The following CYP7B1 variants were observed in gnomAD, a reference collection of about 807,000 sequenced individuals.
CYP7B1 encodes the protein cytochrome P450 7B1.
CYP7B1 carries 29 observed loss-of-function variants against 42.7 expected under a neutral mutation model. The ratio of observed to expected loss-of-function variants is 0.68; its 90% CI spans 0.51 to 0.93. The LOEUF (loss-of-function observed/expected upper bound fraction) is 0.93, where lower values mean the gene tolerates loss of function less well. CYP7B1 is among the 40% of genes least tolerant of loss of function. The pLI is 0.00. For missense variants in CYP7B1, 655 were observed against 600.5 expected (o/e 1.09, Z -0.95); for synonymous variants, 235 against 218.2 (o/e 1.08, Z -0.68).
chr8:64,745,596 C>T (rs1042805451), intron 1 of CYP7B1, among the ~76,000 whole-genome samples: 1 of 152,128 alleles, frequency 6.6e-6, no homozygotes, highest in Non-Finnish European at 1.5e-5. Flanking sequence ...TTCATTCCCC[C>T]CAGTCCCCTT....
At chr8:64,749,188 C>T (rs1053460639) in intron 1 of CYP7B1, among the ~76,000 whole-genome samples, 12 of 151,922 alleles carry the variant, frequency 7.9e-5, no homozygotes, top group African/African-American at 2.7e-4. Flanking sequence ...TCAAGAAATT[C>T]TCCTGCCTCA....
At chr8:64,683,167 T>C (rs924904901) in intron 1 of CYP7B1, among the ~76,000 whole-genome samples, 1 of 152,230 alleles carries the variant, frequency 6.6e-6, no homozygotes, top group Admixed American at 6.5e-5. Context: ...TTTTTCACAA[T>C]AGCTAAGACT....
At chr8:64,731,583 G>C (rs369274287) in intron 1 of CYP7B1, among the ~76,000 whole-genome samples, 35 of 152,264 alleles carry the variant, frequency 2.3e-4, no homozygotes, top group African/African-American at 7.2e-4. Flanking sequence ...CATTTCTTAG[G>C]GAGAAATTCA....
At chr8:64,603,147 C>T (rs915207677) in intron 5 of CYP7B1, among the ~76,000 whole-genome samples, 1 of 152,132 alleles carries the variant, frequency 6.6e-6, no homozygotes, top group Non-Finnish European at 1.5e-5. Flanking sequence ...TGTTCTGCCA[C>T]AGATTTTGTA....
chr8:64,734,469 G>A (rs918456459), intron 1 of CYP7B1: 1 of 152,182 alleles, frequency 6.6e-6, no homozygotes, highest in South Asian at 2.1e-4. Context: ...GGCAAAAAGG[G>A]AAACCAGGCC....
intron 1 of CYP7B1, among the ~76,000 whole-genome samples, chr8:64,722,508 T>G (rs1008021304): frequency 2.6e-5 from 4 of 152,028 alleles, no homozygotes; most frequent in Non-Finnish European, 5.9e-5. Context: ...AGAAAAAATC[T>G]AACATAATTT....
intron 1 of CYP7B1, among the ~76,000 whole-genome samples, chr8:64,783,889 T>C (rs1002516348): frequency 2.6e-5 from 4 of 152,192 alleles, no homozygotes; most frequent in African/African-American, 9.6e-5. Context: ...CATTCATTAC[T>C]GGTAGGACTG....
At chr8:64,734,786 A>G (rs577879264) in intron 1 of CYP7B1, among the ~76,000 whole-genome samples, 31 of 152,308 alleles carry the variant, frequency 2.0e-4, no homozygotes, top group African/African-American at 6.3e-4. Flanking sequence ...TGCTAACATA[A>G]CTTTTAACTA....
intron 1 of CYP7B1, among the ~76,000 whole-genome samples, chr8:64,762,569 C>G (rs1318115009): frequency 6.6e-6 from 1 of 152,152 alleles, no homozygotes; most frequent in Non-Finnish European, 1.5e-5. Context: ...CATTTGAAAA[C>G]GTGGTTTCAT....
chr8:64,677,952 C>T (rs1209495309), intron 1 of CYP7B1, among the ~76,000 whole-genome samples: 2 of 151,980 alleles, frequency 1.3e-5, no homozygotes, highest in African/African-American at 4.8e-5. Flanking sequence ...AGACAGATTT[C>T]TCGTGGTTAA....
chr8:64,641,918 CAT>C (rs757291909), intron 1 of CYP7B1, among the ~76,000 whole-genome samples: 13 of 152,234 alleles, frequency 8.5e-5, no homozygotes, highest in African/African-American at 1.7e-4. Flanking sequence ...TCATGGTAAA[CAT>C]ATAGACTGAG....
At chr8:64,793,937 A>G (rs1204520740) in intron 1 of CYP7B1, among the ~76,000 whole-genome samples, 1 of 150,380 alleles carries the variant, frequency 6.6e-6, no homozygotes, top group Non-Finnish European at 1.5e-5. Flanking sequence ...CCAACCTAGC[A>G]TTTCCACAGA....
chr8:64,709,698 T>G (rs1348264757), intron 1 of CYP7B1, among the ~76,000 whole-genome samples: 1 of 152,160 alleles, frequency 6.6e-6, no homozygotes, highest in Non-Finnish European at 1.5e-5. Flanking sequence ...ATAATTTGTG[T>G]TACAAGCGCC....
chr8:64,596,890 T>C lies in CYP7B1; in HGVS notation c.1273A>G (p.Lys425Glu). The change falls in exon 6 of 6, where the codon AAA (lysine) becomes GAA (glutamate). Residue 425 changes from lysine to glutamate, a missense_variant. Coordinates refer to ENST00000310193, the MANE Select transcript of CYP7B1 (RefSeq NM_004820.5). Reference sequence around the variant, plus strand: ...TTCCCTCTTTTGAAAAAGGTGGTTTTCTTCTTACCATCTTCTATAAAACGA... The same window carrying C: ...TTCCCTCTTTTGAAAAAGGTGGTTTCCTTCTTACCATCTTCTATAAAACGA... ...YDRFIEDGKK[K>E]TTFFKRGKKL... 6.2e-7 allele frequency: 1 copy of C among 1,613,440 alleles called. No homozygotes were observed. The highest frequency in any genetic ancestry group is 8.5e-7 in the Non-Finnish European group (1 of 1,179,496).
At chr8:64,698,370 ACT>A (rs1213559655) in intron 1 of CYP7B1, among the ~76,000 whole-genome samples, 3 of 151,886 alleles carry the variant, frequency 2.0e-5, no homozygotes, top group South Asian at 2.1e-4. Flanking sequence ...ATTCTTTCCT[ACT>A]CTTTCCCCTC....
chr8:64,588,430 A>G (rs1217333925), downstream of CYP7B1, among the ~76,000 whole-genome samples: 1 of 152,246 alleles, frequency 6.6e-6, no homozygotes, highest in African/African-American at 2.4e-5. Flanking sequence ...ATGTTTCTCA[A>G]TCTTAAAGAT....
At chr8:64,624,596 C>G in intron 1 of CYP7B1, 57 bp from the exon 2 acceptor site, 1 of 1,593,698 alleles carries the variant, frequency 6.3e-7, no homozygotes, top group Non-Finnish European at 8.6e-7. Flanking sequence ...CATTCTTATT[C>G]GAATACAGGT....
intron 1 of CYP7B1, among the ~76,000 whole-genome samples, chr8:64,661,385 T>G (rs1321866805): frequency 6.6e-6 from 1 of 152,206 alleles, no homozygotes; most frequent in Admixed American, 6.5e-5. Flanking sequence ...GAAAGTTAGC[T>G]TCCGTCAGCT....
rs1456261821 is a variant in CYP7B1, at chr8:64,686,737, T to C, written c.123-62198A>G. ...AGAAATCGGATGGTTGCCCTGTCTGTGTAGAAAGAAGTAGACATGGGAGAC... is the reference window on the plus strand; with the variant it reads ...AGAAATCGGATGGTTGCCCTGTCTGCGTAGAAAGAAGTAGACATGGGAGAC... On this transcript the variant is annotated intron_variant, in intron 1 of 5. Transcript: ENST00000310193. 6.1e-4 allele frequency among the ~76,000 whole-genome samples: 47 copies of C among 76,538 alleles called. 2 individuals are homozygous for C. The highest frequency in any genetic ancestry group is 2.6e-3 in the African/African-American group (47 of 17,932). The allele number at this position is 76,538 out of a possible 152,430, so 50.2% of individuals were successfully genotyped here.
Sources: allele counts gnomAD v4.1 joint callset (sites outside exome capture counted in the v4.1 genomes callset), GRCh38; gene constraint gnomAD v4.1.1; transcripts MANE v1.5; gene names NCBI Gene and HGNC (gene_info 2026-07-23, HGNC 2026-07-21).